MYO7B: variants seen among roughly 807,000 people sequenced by gnomAD.
The protein encoded by MYO7B is unconventional myosin-VIIb.
MYO7B carries 212 observed loss-of-function variants against 259.7 expected under a neutral mutation model. The ratio of observed to expected loss-of-function variants is 0.82; its 90% CI spans 0.73 to 0.91. MYO7B has a LOEUF of 0.91. Ranked by LOEUF, MYO7B falls within the 40% of genes least tolerant of loss-of-function variation. The pLI, the probability that MYO7B is intolerant of heterozygous loss-of-function variation, is 0.00. For synonymous variants in MYO7B, 1,197 were observed against 1,166.4 expected, an observed-to-expected ratio of 1.03 and a Z score of -0.54; for missense variants, 2,732 against 2,813.5, an observed-to-expected ratio of 0.97 and a Z score of 0.66.
Position 127,585,343 on chromosome 2 carries a change from T to C in MYO7B, c.1690+430T>C, listed in dbSNP as rs530311455. 6.6e-6 allele frequency among the ~76,000 whole-genome samples: 1 copy of C among 152,294 alleles called. No homozygotes were observed. The highest frequency in any genetic ancestry group is 1.9e-4 in the East Asian group (1 of 5,186). ...TGCATAAATGGAACCATATAATACG[T>C]GGTCTTCTGTGGCTGGTTTCTTTCA... On this transcript the variant is annotated intron_variant, in intron 14 of 47. Coordinates refer to ENST00000409816, the MANE Select transcript of MYO7B (RefSeq NM_001393586.1). This position sits in a 1 kb window ranked among gnomAD's most constrained non-coding sequence, Gnocchi z 4.3.
chr2:127,629,867 G>A lies in MYO7B; in HGVS notation c.4806+41G>A, dbSNP rs368885842. The stretch of plus-strand genomic sequence containing the variant: ...CCCTGTCCTCAGCCTGGGTACCCGA[G>A]GTCAGGGTGGAGCAGTCCTGGGATG... On this transcript the variant is annotated intron_variant, in intron 35 of 47. Coordinates refer to ENST00000409816, the MANE Select transcript of MYO7B (RefSeq NM_001393586.1). 14 of 1,519,234 alleles carry A rather than the reference G, an allele frequency of 9.2e-6. 1 individual carries two copies. In the African/African-American group the frequency reaches 1.8e-4, roughly 20 times the overall value. 94.1% of individuals were successfully genotyped at this position (1,519,234 alleles called of 1,614,324 possible). A position where few individuals can be genotyped will look rare whatever the true frequency, so the allele number is the denominator to read the frequency against.
chr2:127,582,121 C>T, intron 11 of MYO7B, 111 bp downstream of exon 11: 1 of 1,528,736 alleles, frequency 6.5e-7, no homozygotes, highest in Non-Finnish European at 8.8e-7. Flanking sequence ...CAGGTCCCCA[C>T]TCTGCCAGTC....
At chr2:127,569,099 T>C (rs1472720229) in intron 5 of MYO7B, among the ~76,000 whole-genome samples, 1 of 147,462 alleles carries the variant, frequency 6.8e-6, no homozygotes, top group Non-Finnish European at 1.5e-5. Flanking sequence ...TCCCAGCTAC[T>C]CAGGAAGCTG....
At chr2:127,589,646 A>G (rs1273558489) in intron 15 of MYO7B, among the ~76,000 whole-genome samples, 1 of 57,596 alleles carries the variant, frequency 1.7e-5, no homozygotes, top group Middle Eastern at 0.019. Flanking sequence ...GCATGGGTGA[A>G]TGGATGGGTG....
At position 127,636,971 on chromosome 2, in the gene MYO7B, G is replaced by A; in HGVS notation, c.6327+58G>A. ...CATAGGACAGAGCTGCTGGAGACTGGGTTCCCCACCCTCACCCCTTTCAAG... is the reference window on the plus strand; with the variant it reads ...CATAGGACAGAGCTGCTGGAGACTGAGTTCCCCACCCTCACCCCTTTCAAG... On this transcript the variant is annotated intron_variant, in intron 47 of 47. Coordinates refer to ENST00000409816, the MANE Select transcript of MYO7B (RefSeq NM_001393586.1). This position sits in a 1 kb window ranked among gnomAD's most constrained non-coding sequence, Gnocchi z 4.5. 2 of 1,598,232 alleles carry A rather than the reference G, an allele frequency of 1.3e-6. No individual in the cohort carries two copies. The highest frequency in any genetic ancestry group is 1.7e-6 in the Non-Finnish European group (2 of 1,178,308).
rs1470594531 is a variant in MYO7B at position 127,624,139 on chromosome 2, C to G, written c.3866C>G (p.Ala1289Gly). 1 of 1,592,752 alleles carries G rather than the reference C, an allele frequency of 6.3e-7. No homozygotes were observed. Among genetic ancestry groups the G allele is most frequent in the African/African-American group, 1.3e-5 (1 of 74,456 alleles). ...CGCGACCACATGATGGATGCCATCG[C>G]CCGGTGTGAGCAGATGGCCCAGGAG... ...SGRDHMMDAI[A>G]RCEQMAQERG... Residue 1289 changes from alanine to glycine, a missense_variant, in exon 30 of 48, where the codon GCC becomes GGC. Physicochemically the swap from Ala to Gly is moderately conservative, Grantham distance 60 (BLOSUM62 0). Transcript: ENST00000409816.
intron 1 of MYO7B, among the ~76,000 whole-genome samples, chr2:127,552,235 A>G (rs1046326378): frequency 2.0e-5 from 3 of 152,184 alleles, no homozygotes; most frequent in Non-Finnish European, 2.9e-5. Flanking sequence ...GTGTTTCAAT[A>G]TGTATTTTAT....
intron 39 of MYO7B, among the ~76,000 whole-genome samples, 198 bp downstream of exon 39, chr2:127,632,599 G>A (rs575578447): frequency 6.6e-6 from 1 of 152,172 alleles, no homozygotes; most frequent in African/African-American, 2.4e-5. Flanking sequence ...TCAAGAGAAG[G>A]CTCAGTCATA....
intron 34 of MYO7B, 147 bp from the exon 35 acceptor site, chr2:127,629,498 A>G: frequency 1.4e-6 from 1 of 725,322 alleles, no homozygotes; most frequent in Non-Finnish European, 2.2e-6. Flanking sequence ...CTGAGGTTCC[A>G]GTCCCACCAT....
rs1379948091 is a variant in MYO7B at position 127,636,977 on chromosome 2, C to T, written c.6327+64C>T. The T allele has an allele frequency of 2.5e-6, 4 of 1,593,460 alleles. No individual in the cohort carries two copies. In the South Asian group the frequency reaches 4.4e-5, roughly 18 times the overall value. On this transcript the variant is annotated intron_variant, in intron 47 of 47. Coordinates refer to ENST00000409816, the MANE Select transcript of MYO7B (RefSeq NM_001393586.1). The surrounding 1 kb of genome is among the most constrained non-coding windows in gnomAD (Gnocchi z 4.5). ...ACAGAGCTGCTGGAGACTGGGTTCC[C>T]CACCCTCACCCCTTTCAAGTGGCTC... is the stretch of plus-strand genomic sequence containing the variant.
At position 127,546,635 on chromosome 2, in the gene MYO7B, C is replaced by G. The variant is rs1438844743; in HGVS notation, c.-24+10804C>G. 6.6e-6 allele frequency among the ~76,000 whole-genome samples: 1 copy of G among 152,200 alleles called. No homozygotes were observed. Among genetic ancestry groups the G allele is most frequent in the Admixed American group, 6.5e-5 (1 of 15,282 alleles). On this transcript the variant is annotated intron_variant, in intron 1 of 47. Transcript: ENST00000409816. The surrounding 1 kb of genome is among the most constrained non-coding windows in gnomAD (Gnocchi z 4.2). ...ACTGATCCCCGTAAGCTCAGCCACA[C>G]TGACCTGCCTCAGGGCTTAACAAAA...
At chr2:127,620,195 G>A in intron 26 of MYO7B, 145 bp from the exon 27 acceptor site, 2 of 894,886 alleles carry the variant, frequency 2.2e-6, no homozygotes, top group Non-Finnish European at 3.4e-6. Flanking sequence ...TGAGAGAGGA[G>A]GAGGCTGGGC....
chr2:127,597,185 T>A lies in MYO7B; in HGVS notation c.2339+629T>A, dbSNP rs1679804451. The stretch of plus-strand genomic sequence containing the variant: ...CGGAGGCCATCTCAGGGCCAGACCC[T>A]GGTGCTGCTGATCTCAGGACAACAG... On this transcript the variant is annotated intron_variant, in intron 19 of 47. Coordinates refer to ENST00000409816, the MANE Select transcript of MYO7B (RefSeq NM_001393586.1). The surrounding 1 kb of genome is among the most constrained non-coding windows in gnomAD (Gnocchi z 4.8). Among the ~76,000 whole-genome samples, 1 of 152,258 alleles carries A rather than the reference T, an allele frequency of 6.6e-6. No individual in the cohort carries two copies. The highest frequency in any genetic ancestry group is 1.9e-4 in the East Asian group (1 of 5,202).
chr2:127,549,802 G>T (rs1019547525), intron 1 of MYO7B, among the ~76,000 whole-genome samples: 1 of 152,198 alleles, frequency 6.6e-6, no homozygotes, highest in Non-Finnish European at 1.5e-5. Flanking sequence ...CCCTGAGAGA[G>T]TGGGCACACA....
At chr2:127,589,175 G>GTGGGTGGGTGGATGGGTGAA (rs1679440417) in intron 15 of MYO7B, among the ~76,000 whole-genome samples, 1 of 142,028 alleles carries the variant, frequency 7.0e-6, no homozygotes, top group Non-Finnish European at 1.5e-5. Flanking sequence ...GGATGGACGG[G>GTGGGTGGGTGGATGGGTGAA]TGGGTGGGTG....
chr2:127,623,831 C>T (rs1212807554), intron 29 of MYO7B, among the ~76,000 whole-genome samples: 5 of 152,210 alleles, frequency 3.3e-5, no homozygotes, highest in South Asian at 4.1e-4. Flanking sequence ...ACCGAGGCGC[C>T]GGATGAGTCA....
chr2:127,594,292 G>A (rs1391532508), intron 18 of MYO7B, among the ~76,000 whole-genome samples: 5 of 152,204 alleles, frequency 3.3e-5, no homozygotes, highest in South Asian at 2.1e-4. Flanking sequence ...AAGCCTCAGC[G>A]GGCCAGCACA....
At chr2:127,623,434 C>T in intron 29 of MYO7B, 59 bp downstream of exon 29, 5 of 1,464,608 alleles carry the variant, frequency 3.4e-6, no homozygotes, top group Non-Finnish European at 4.5e-6. Flanking sequence ...GGAGAGCACC[C>T]TGAGGCTCAA....
At chr2:127,616,822 A>T (rs1680587299) in intron 26 of MYO7B, among the ~76,000 whole-genome samples, 1 of 152,128 alleles carries the variant, frequency 6.6e-6, no homozygotes. Context: ...ATTTCCCGAC[A>T]GGGGGGTGCC....
Sources: gnomAD v4.1 joint callset for allele counts (sites outside exome capture counted in the v4.1 genomes callset) on GRCh38, gnomAD v4.1.1 for gene constraint, Gnocchi (gnomAD v3.1) non-coding constraint, MANE v1.5 for transcripts, NCBI Gene and HGNC (gene_info 2026-07-23, HGNC 2026-07-21) for gene names.